Variants in KANK2 observed in about 807,000 individuals in gnomAD.
KANK2 encodes KN motif and ankyrin repeat domains 2, also known as KN motif and ankyrin repeat domain-containing protein 2.
In KANK2, 41 loss-of-function variants were observed where a neutral mutation model predicts 74.6. That is an observed-to-expected ratio of 0.55 (90% CI 0.43 to 0.71). The LOEUF (loss-of-function observed/expected upper bound fraction) is 0.71, where lower values mean the gene tolerates loss of function less well. KANK2 is among the 30% of genes least tolerant of loss of function. The pLI is 0.00. For synonymous variants in KANK2, 537 were observed against 519.0 expected, an observed-to-expected ratio of 1.03 and a Z score of -0.47; for missense variants, 1,148 against 1,196.4, an observed-to-expected ratio of 0.96 and a Z score of 0.60.
In KANK2 at chr19:11,193,081, T is replaced by G; in HGVS notation, c.999A>C (p.Val333=). The part of the protein sequence containing the change: ...SPVRVDTVRV[V]EGPREVEVVA... ...CCACCTCCACCTCCCGTGGCCCTTC[T>G]ACCACCCGGACTGTATCCACGCGGA... The change falls in exon 4 of 13, where the codon GTA becomes GTC. Residue 333 remains valine (V), a synonymous_variant. Transcript: ENST00000586659. This position sits in a 1 kb window ranked among gnomAD's most constrained non-coding sequence, Gnocchi z 9.6. The G allele has an allele frequency of 6.2e-7, 1 of 1,609,828 alleles. No individual in the cohort carries two copies.
chr19:11,190,887 C>T (rs1368243053), intron 4 of KANK2, among the ~76,000 whole-genome samples: 4 of 152,042 alleles, frequency 2.6e-5, no homozygotes, highest in Middle Eastern at 3.2e-3. Flanking sequence ...CCGGCCACCA[C>T]GCCCGGCTAA....
chr19:11,175,165 G>A (rs1021636647), intron 8 of KANK2, among the ~76,000 whole-genome samples: 12 of 151,682 alleles, frequency 7.9e-5, no homozygotes, highest in African/African-American at 2.7e-4. Context: ...AGTGGTTCAC[G>A]CCTGTAATCC....
chr19:11,187,523 C>T (rs149421154), intron 4 of KANK2, among the ~76,000 whole-genome samples: 1,728 of 152,040 alleles, frequency 0.011, 14 homozygotes, highest in Admixed American at 0.017. Context: ...CGGTGGAGAG[C>T]GGAGGGTGGT....
At chr19:11,182,639 C>A (rs985094302) in intron 4 of KANK2, among the ~76,000 whole-genome samples, 3 of 151,456 alleles carry the variant, frequency 2.0e-5, no homozygotes, top group Non-Finnish European at 2.9e-5. Flanking sequence ...GTTAGGAGAT[C>A]GAGACCATCC....
rs965367201 is a variant in KANK2 at position 11,184,705 on chromosome 19, T to A, written c.1250-5985A>T. 5.2e-5 allele frequency among the ~76,000 whole-genome samples: 7 copies of A among 134,174 alleles called. 1 individual carries two copies. The highest frequency in any genetic ancestry group is 1.6e-4 in the African/African-American group (6 of 37,428). The allele number at this position is 134,174 out of a possible 152,430, so 88.0% of individuals were successfully genotyped here. A position where few individuals can be genotyped will look rare whatever the true frequency, so the allele number is the denominator to read the frequency against. On this transcript the variant is annotated intron_variant, in intron 4 of 12. Coordinates refer to ENST00000586659, the MANE Select transcript of KANK2 (RefSeq NM_001136191.3). Reference sequence around the variant, plus strand: ...TTTTTGAGACAGGGCAAGACTCTACTTTTTTTTTAATGTGAAAAAAAAAAA... The same window carrying A: ...TTTTTGAGACAGGGCAAGACTCTACATTTTTTTTAATGTGAAAAAAAAAAA...
chr19:11,189,441 T>TA (rs2147579722), intron 4 of KANK2, among the ~76,000 whole-genome samples: 1 of 151,326 alleles, frequency 6.6e-6, no homozygotes, highest in East Asian at 2.0e-4. Flanking sequence ...CCATCTCTAC[T>TA]AAAAATACAA....
Position 11,192,783 on chromosome 19 carries a change from G to GC in KANK2, c.1249+47dup, listed in dbSNP as rs35706290. The GC allele has an allele frequency of 6.6e-3, 9,426 of 1,437,224 alleles. 44 individuals are homozygous for GC. The highest frequency in any genetic ancestry group is 0.042 in the East Asian group (1,589 of 37,578). 89.0% of individuals were successfully genotyped at this position (1,437,224 alleles called of 1,614,324 possible). A position where few individuals can be genotyped will look rare whatever the true frequency, so the allele number is the denominator to read the frequency against. ...CAGGATGAGCCATGGGAAGAAAGAG[G>GC]CCCCCCCCCCCCAAGCCATTCTCCC... is the stretch of plus-strand genomic sequence containing the variant. On this transcript the variant is annotated intron_variant, in intron 4 of 12. Coordinates refer to ENST00000586659, the MANE Select transcript of KANK2 (RefSeq NM_001136191.3).
chr19:11,173,266 G>T, intron 9 of KANK2, 143 bp from the exon 10 acceptor site: 1 of 804,120 alleles, frequency 1.2e-6, no homozygotes. Context: ...TGCCCTAGAG[G>T]TCTCCATCTC....
At chr19:11,178,778 CCTG>C (rs2078428514) in intron 4 of KANK2, 58 bp from the exon 5 acceptor site, 5 of 1,451,520 alleles carry the variant, frequency 3.4e-6, no homozygotes, top group African/African-American at 1.5e-5. Context: ...CCACCACAGC[CCTG>C]CGGGTCATAC....
rs1388658995 is a variant in KANK2, at chr19:11,175,922, C to A, written c.1828G>T (p.Ala610Ser). 19 of 1,613,664 alleles carry A rather than the reference C, an allele frequency of 1.2e-5. No homozygotes were observed. The highest frequency in any genetic ancestry group is 1.5e-5 in the Non-Finnish European group (18 of 1,179,750). Residue 610 changes from alanine to serine, a missense_variant, in exon 8 of 13, where the codon GCC (alanine) becomes TCC (serine). By Grantham distance (99) the Ala-to-Ser change is moderately conservative. Transcript: ENST00000586659. ...CGTACCAGCTCCCGCTCTGTGAGGG[C>A]GTTGGGATTGTCCAGGTACTTTTCC... Reference protein sequence around the residue: ...ALEKYLDNPNALTERELKVAY... With the variant: ...ALEKYLDNPNSLTERELKVAY...
intron 4 of KANK2, among the ~76,000 whole-genome samples, chr19:11,182,815 C>A (rs1244073159): frequency 1.4e-5 from 2 of 143,910 alleles, no homozygotes; most frequent in East Asian, 4.1e-4. Flanking sequence ...TGCACTCCAG[C>A]CTGGGTGACA....
rs1279438284 is a variant in KANK2 at position 11,170,153 on chromosome 19, A to G, written c.2307T>C (p.Asp769=). The part of the protein sequence containing the change: ...LACEADVNVQ[D]DDGSTALMCA... Reference sequence around the variant, plus strand: ...ACATGAGGGCCGTGGAGCCGTCATCATCTTGCACGTTGACATCTGCCTCAC... The same window carrying G: ...ACATGAGGGCCGTGGAGCCGTCATCGTCTTGCACGTTGACATCTGCCTCAC... The change falls in exon 11 of 13, where the codon GAT becomes GAC. Residue 769 remains aspartate, a synonymous_variant. Coordinates refer to ENST00000586659, the MANE Select transcript of KANK2 (RefSeq NM_001136191.3). The surrounding 1 kb of genome is among the most constrained non-coding windows in gnomAD (Gnocchi z 5.2). 6.2e-6 allele frequency: 10 copies of G among 1,612,478 alleles called. No individual in the cohort carries two copies. Among genetic ancestry groups the G allele is most frequent in the Non-Finnish European group, 8.5e-6 (10 of 1,180,030 alleles).
Position 11,193,890 on chromosome 19 carries a change from C to G in KANK2, c.190G>C (p.Val64Leu). ...GAGCTCAGGCGGGGGCGGCGCTGCA[C>G]TGCCACGCGTCGCAGCGTGTGGCCC... ...EKGHTLRRVA[V>L]QRRPRLSSLP... The change falls in exon 4 of 13, where the codon GTG (valine) becomes CTG (leucine). Residue 64 changes from valine (V) to leucine (L), a missense_variant. By Grantham distance (32) the Val-to-Leu change is conservative (BLOSUM62 1). Transcript: ENST00000586659. This position sits in a 1 kb window ranked among gnomAD's most constrained non-coding sequence, Gnocchi z 9.6. 3 of 1,613,692 alleles carry G rather than the reference C, an allele frequency of 1.9e-6. No individual in the cohort carries two copies. The South Asian group carries it at 3.3e-5, about 18-fold the overall frequency.
Position 11,193,212 on chromosome 19 carries a change from C to T in KANK2, c.868G>A (p.Ala290Thr), listed in dbSNP as rs112599354. The change falls in exon 4 of 13, where the codon GCT becomes ACT. Residue 290 changes from alanine to threonine, a missense_variant. Coordinates refer to ENST00000586659, the MANE Select transcript of KANK2 (RefSeq NM_001136191.3). The surrounding 1 kb of genome is among the most constrained non-coding windows in gnomAD (Gnocchi z 9.6). ...DGEAALAAKV[A>T]VLETQLKKAL... ...TTCTTGAGCTGGGTCTCCAGCACAG[C>T]GACCTTGGCGGCGAGGGCAGCCTCC... The T allele has an allele frequency of 1.7e-5, 28 of 1,609,582 alleles. No individual in the cohort carries two copies. In the South Asian group the frequency reaches 2.6e-4, roughly 15 times the overall value.
intron 9 of KANK2, 137 bp downstream of exon 9, chr19:11,174,336 C>A: frequency 1.4e-6 from 1 of 710,914 alleles, no homozygotes; most frequent in Non-Finnish European, 2.4e-6. Context: ...GAGGTGTTCC[C>A]TCTATTATAC....
At chr19:11,168,302 CCT>C (rs2078080343) in intron 12 of KANK2, among the ~76,000 whole-genome samples, 3 of 151,086 alleles carry the variant, frequency 2.0e-5, no homozygotes, top group Non-Finnish European at 4.4e-5. Flanking sequence ...CCACGCCTGG[CCT>C]CTTTCTTTTT....
intron 10 of KANK2, among the ~76,000 whole-genome samples, chr19:11,171,929 C>A (rs1381464471): frequency 6.6e-6 from 1 of 151,088 alleles, no homozygotes; most frequent in Non-Finnish European, 1.5e-5. Context: ...CCACTTTGGC[C>A]TCCCAAAGTG....
At chr19:11,189,685 G>C (rs1163006077) in intron 4 of KANK2, among the ~76,000 whole-genome samples, 1 of 150,152 alleles carries the variant, frequency 6.7e-6, no homozygotes, top group Non-Finnish European at 1.5e-5. Context: ...AAGCAAGGCA[G>C]AGATTGGGGC....
intron 4 of KANK2, among the ~76,000 whole-genome samples, chr19:11,191,882 A>G (rs1036599017): frequency 6.6e-6 from 1 of 152,062 alleles, no homozygotes; most frequent in Non-Finnish European, 1.5e-5. Context: ...ACATAACAAG[A>G]CTTTGTCTCT....
Sources: allele counts gnomAD v4.1 joint callset (sites outside exome capture counted in the v4.1 genomes callset), GRCh38; gene constraint gnomAD v4.1.1; non-coding constraint Gnocchi (gnomAD v3.1); transcripts MANE v1.5; gene names NCBI Gene and HGNC (gene_info 2026-07-23, HGNC 2026-07-21).